The following PDS5B variants were observed in gnomAD, a reference collection of about 807,000 sequenced individuals.
PDS5B encodes PDS5 cohesin associated factor B.
Under a neutral mutation model 184.1 loss-of-function variants are expected in PDS5B, and 51 were observed. That is an observed-to-expected ratio of 0.28 (90% CI 0.22 to 0.35). PDS5B has a LOEUF of 0.35. PDS5B is among the 10% of genes least tolerant of loss of function. PDS5B has a pLI of 1.00. For synonymous variants in PDS5B, 566 were observed against 569.2 expected, an observed-to-expected ratio of 0.99 and a Z score of 0.08; for missense variants, 1,180 against 1,723.3, an observed-to-expected ratio of 0.68 and a Z score of 5.58.
At chr13:32,653,360 A>G (rs776738919) in intron 3 of PDS5B, among the ~76,000 whole-genome samples, 9 of 152,226 alleles carry the variant, frequency 5.9e-5, no homozygotes, top group Non-Finnish European at 1.3e-4. Flanking sequence ...TTATTAATCC[A>G]CAGTGTGAAA....
chr13:32,591,955 A>G (rs2140460280), intron 1 of PDS5B, among the ~76,000 whole-genome samples: 1 of 152,310 alleles, frequency 6.6e-6, no homozygotes, highest in East Asian at 1.9e-4. Flanking sequence ...GGCTTTGAAC[A>G]ACTCTGGGTC....
chr13:32,592,565 A>G (rs1430688828), intron 1 of PDS5B, among the ~76,000 whole-genome samples: 1 of 152,110 alleles, frequency 6.6e-6, no homozygotes, highest in African/African-American at 2.4e-5. Flanking sequence ...GCCTAAGTAG[A>G]AGCTCTTGAG....
chr13:32,735,115 A>G, intron 20 of PDS5B, 57 bp from the exon 21 acceptor site: 1 of 1,013,894 alleles, frequency 9.9e-7, no homozygotes, highest in South Asian at 2.4e-5. Flanking sequence ...GAAATATGTA[A>G]ACAGTTTATT....
chr13:32,643,016 T>C (rs909851861), intron 1 of PDS5B, among the ~76,000 whole-genome samples: 8 of 152,176 alleles, frequency 5.3e-5, no homozygotes, highest in Admixed American at 5.2e-4. Context: ...GATAAATTTT[T>C]GGTTACATGG....
At chr13:32,614,825 CAT>C (rs2058194719) in intron 1 of PDS5B, among the ~76,000 whole-genome samples, 1 of 152,184 alleles carries the variant, frequency 6.6e-6, no homozygotes, top group African/African-American at 2.4e-5. Context: ...TGTACCTACT[CAT>C]GTGACTGATT....
chr13:32,706,650 A>C (rs1003182040), intron 17 of PDS5B, among the ~76,000 whole-genome samples: 1 of 152,208 alleles, frequency 6.6e-6, no homozygotes, highest in African/African-American at 2.4e-5. Context: ...TTGGGCTCAG[A>C]CCTGCCATGG....
chr13:32,687,016 T>A (rs1268050643), intron 11 of PDS5B, 118 bp from the exon 12 acceptor site: 1 of 710,366 alleles, frequency 1.4e-6, no homozygotes, highest in Non-Finnish European at 2.4e-6. Context: ...ATATTTAGTA[T>A]CTGAGACTTA....
At position 32,620,615 on chromosome 13, in the gene PDS5B, C is replaced by T. The variant is rs147771709; in HGVS notation, c.-19-28139C>T. On this transcript the variant is annotated intron_variant, in intron 1 of 34. Transcript: ENST00000315596. ...GAGCTTACAGTGAGCCGAGATTGTG[C>T]CACTGCACTCCAGCCTGGGCGACAG... Among the ~76,000 whole-genome samples, 23 of 150,570 alleles carry T rather than the reference C, an allele frequency of 1.5e-4. No individual in the cohort carries two copies. In the East Asian group the frequency reaches 4.5e-3, roughly 29 times the overall value.
In PDS5B at chr13:32,770,369, C is replaced by T; in HGVS notation, c.3873C>T (p.Gly1291=). 1.2e-6 allele frequency: 2 copies of T among 1,612,086 alleles called. No individual in the cohort carries two copies. The highest frequency in any genetic ancestry group is 1.7e-6 in the Non-Finnish European group (2 of 1,179,450). Reference sequence around the variant, plus strand: ...GTCCGCCAAAAAAGGGTAAAAGAGGCCGACCACCAAAACCTCTTGGTGGAG... The same window carrying T: ...GTCCGCCAAAAAAGGGTAAAAGAGGTCGACCACCAAAACCTCTTGGTGGAG... The part of the protein sequence containing the change: ...QNSPPKKGKR[G]RPPKPLGGGT... Residue 1291 remains glycine, a synonymous_variant, in exon 32 of 35, where the codon GGC becomes GGT. Transcript: ENST00000315596.
At chr13:32,739,456 A>G (rs1953463551) in intron 21 of PDS5B, among the ~76,000 whole-genome samples, 1 of 152,226 alleles carries the variant, frequency 6.6e-6, no homozygotes, top group Admixed American at 6.5e-5. Context: ...TTTTATGTTT[A>G]TGATTGATAA....
intron 26 of PDS5B, among the ~76,000 whole-genome samples, chr13:32,757,334 C>T (rs1369989503): frequency 6.6e-6 from 1 of 152,110 alleles, no homozygotes; most frequent in Non-Finnish European, 1.5e-5. Flanking sequence ...ATCAGGGAGC[C>T]ACTTCAGAAG....
chr13:32,642,993 A>C (rs1393130631), intron 1 of PDS5B, among the ~76,000 whole-genome samples: 1 of 152,128 alleles, frequency 6.6e-6, no homozygotes, highest in Non-Finnish European at 1.5e-5. Flanking sequence ...TGTGTTCTGC[A>C]TATGAGGTGC....
intron 23 of PDS5B, 108 bp downstream of exon 23, chr13:32,742,835 C>A: frequency 1.0e-6 from 1 of 990,200 alleles, no homozygotes; most frequent in Non-Finnish European, 1.5e-6. Context: ...ATTAGAATTG[C>A]TTTGTACATG....
At chr13:32,709,141 A>C (rs952966302) in intron 18 of PDS5B, among the ~76,000 whole-genome samples, 1 of 152,016 alleles carries the variant, frequency 6.6e-6, no homozygotes, top group African/African-American at 2.4e-5. Flanking sequence ...ATGTGGCATT[A>C]TACTTAGTAT....
intron 13 of PDS5B, among the ~76,000 whole-genome samples, chr13:32,693,585 G>T (rs985016321): frequency 4.0e-5 from 6 of 151,150 alleles, no homozygotes; most frequent in Admixed American, 6.6e-5. Context: ...CTTGTTTTTG[G>T]AGATTTCCTT....
rs1954926664 is a variant in PDS5B, at chr13:32,775,439, C to T, written c.*387C>T. ...TTGAAAAGAATTTGTTAGGATAGAT[C>T]TTAAGCAGTAATCTGTCAGTGTTTG... is the stretch of plus-strand genomic sequence containing the variant. On this transcript the variant is annotated 3_prime_UTR_variant, in exon 35 of 35. Coordinates refer to ENST00000315596, the MANE Select transcript of PDS5B (RefSeq NM_015032.4). 3 of 329,800 alleles carry T rather than the reference C, an allele frequency of 9.1e-6. No individual in the cohort carries two copies. The East Asian group carries it at 2.4e-4, about 27-fold the overall frequency. 20.4% of individuals were successfully genotyped at this position (329,800 alleles called of 1,614,324 possible).
intron 1 of PDS5B, among the ~76,000 whole-genome samples, chr13:32,630,786 T>C (rs2058441882): frequency 7.0e-6 from 1 of 143,730 alleles, no homozygotes. Context: ...GTTCTCTTCC[T>C]TACTTTTTTT....
At chr13:32,770,624 C>A in intron 32 of PDS5B, 30 bp from the exon 33 acceptor site, 3 of 1,599,756 alleles carry the variant, frequency 1.9e-6, no homozygotes, top group Non-Finnish European at 2.6e-6. Context: ...TAATTTGATG[C>A]TATCCACATT....
chr13:32,600,862 G>C (rs1288487704), intron 1 of PDS5B, among the ~76,000 whole-genome samples: 1 of 152,220 alleles, frequency 6.6e-6, no homozygotes, highest in Non-Finnish European at 1.5e-5. Flanking sequence ...GAGCTTTTTA[G>C]TTGTTGTTTT....
Sources: gnomAD v4.1 joint callset for allele counts (sites outside exome capture counted in the v4.1 genomes callset) on GRCh38, gnomAD v4.1.1 for gene constraint, MANE v1.5 for transcripts, NCBI Gene and HGNC (gene_info 2026-07-23, HGNC 2026-07-21) for gene names.